RCOR1: variants seen among roughly 807,000 people sequenced by gnomAD.
RCOR1 encodes REST corepressor.
A neutral mutation model predicts 64.0 loss-of-function variants in RCOR1; 12 were observed. That is an observed-to-expected ratio of 0.19 (90% CI 0.12 to 0.30). RCOR1 has a LOEUF of 0.30. Among genes scored for constraint, RCOR1 ranks in the 10% least tolerant of loss-of-function variants. The pLI is 1.00. For missense variants in RCOR1, 502 were observed against 621.2 expected, an observed-to-expected ratio of 0.81 and a Z score of 2.04; for synonymous variants, 279 against 227.2, an observed-to-expected ratio of 1.23 and a Z score of -2.05.
intron 2 of RCOR1, among the ~76,000 whole-genome samples, chr14:102,606,956 C>T (rs1293484487): frequency 1.1e-3 from 116 of 106,610 alleles, no homozygotes; most frequent in African/African-American, 4.2e-3. Flanking sequence ...TTTTTTGAGA[C>T]GAAGTCTCAC....
intron 2 of RCOR1, among the ~76,000 whole-genome samples, chr14:102,607,349 CT>C (rs1231709894): frequency 6.6e-6 from 1 of 152,176 alleles, no homozygotes; most frequent in Non-Finnish European, 1.5e-5. Context: ...TCCCTATTGT[CT>C]CTTGCTTTCC....
chr14:102,602,862 T>C (rs1378775886), intron 2 of RCOR1, among the ~76,000 whole-genome samples: 1 of 151,948 alleles, frequency 6.6e-6, no homozygotes, highest in Non-Finnish European at 1.5e-5. Flanking sequence ...TGAGCCAGTA[T>C]GCCTGACTGA....
chr14:102,656,558 C>T (rs1320350179), intron 2 of RCOR1, among the ~76,000 whole-genome samples: 1 of 152,008 alleles, frequency 6.6e-6, no homozygotes, highest in Non-Finnish European at 1.5e-5. Context: ...ACCTCTGCCT[C>T]CTGGGTTCAA....
intron 7 of RCOR1, among the ~76,000 whole-genome samples, chr14:102,711,264 G>A (rs190914527): frequency 1.3e-5 from 2 of 152,378 alleles, no homozygotes; most frequent in Admixed American, 6.5e-5. Flanking sequence ...TAGAACAGCA[G>A]TCCTCACTGA....
chr14:102,695,814 G>C (rs1895635673), intron 3 of RCOR1, among the ~76,000 whole-genome samples: 1 of 151,598 alleles, frequency 6.6e-6, no homozygotes, highest in South Asian at 2.1e-4. Flanking sequence ...CTCCCAGAGT[G>C]CTGGGATTAT....
intron 2 of RCOR1, among the ~76,000 whole-genome samples, chr14:102,668,593 C>T (rs780041283): frequency 1.1e-4 from 16 of 152,138 alleles, no homozygotes; most frequent in Non-Finnish European, 2.2e-4. Context: ...CAGCTTTGTT[C>T]TTGCCTGCCT....
intron 3 of RCOR1, among the ~76,000 whole-genome samples, chr14:102,696,361 G>A (rs1483119130): frequency 2.0e-5 from 3 of 152,186 alleles, no homozygotes; most frequent in East Asian, 3.9e-4. Flanking sequence ...ATATTATGAG[G>A]AAGCCCATAA....
At chr14:102,702,001 A>G (rs1895766195) in intron 4 of RCOR1, among the ~76,000 whole-genome samples, 1 of 152,212 alleles carries the variant, frequency 6.6e-6, no homozygotes, top group South Asian at 2.1e-4. Context: ...GGAATGTACT[A>G]ATAAGAAATC....
At chr14:102,630,574 A>G (rs553453680) in intron 2 of RCOR1, among the ~76,000 whole-genome samples, 9 of 152,192 alleles carry the variant, frequency 5.9e-5, no homozygotes, top group African/African-American at 2.2e-4. Flanking sequence ...CACCTTACAC[A>G]TTTCTCAGCT....
chr14:102,597,516 A>T (rs1767734941), intron 2 of RCOR1, among the ~76,000 whole-genome samples: 1 of 148,760 alleles, frequency 6.7e-6, no homozygotes, highest in Non-Finnish European at 1.5e-5. Context: ...TTTAGTAGAG[A>T]TGAGGTTTCA....
intron 2 of RCOR1, 151 bp from the exon 3 acceptor site, chr14:102,681,744 C>G (rs1895307737): frequency 1.8e-6 from 1 of 554,658 alleles, no homozygotes; most frequent in Admixed American, 3.0e-5. Flanking sequence ...CTCGCCTCCC[C>G]CATCTCCATC....
intron 2 of RCOR1, among the ~76,000 whole-genome samples, chr14:102,653,967 CTTTCTTTCTTTCTTTCTTTT>C (rs1894657881): frequency 1.5e-4 from 6 of 40,950 alleles, no homozygotes; most frequent in South Asian, 5.7e-4. Context: ...TTCTTTCTTT[CTTTCTTTCTTTCTTTCTTTT>C]TTTTTTTTTT....
intron 2 of RCOR1, chr14:102,659,185 T>A: frequency 1.0e-6 from 1 of 984,644 alleles, no homozygotes; most frequent in Non-Finnish European, 1.2e-6. Context: ...TTAGATAAAA[T>A]CTCCATAAAT....
In RCOR1 at chr14:102,726,516, G is replaced by A. The variant is rs1235116854; in HGVS notation, c.*10G>A. On this transcript the variant is annotated 3_prime_UTR_variant, in exon 12 of 12. Transcript: ENST00000262241. The stretch of plus-strand genomic sequence containing the variant: ...TGCATCTGCCTCCTGAGAAACTGGT[G>A]GCTTTGAACACTTGGTGTGGACTAC... 1.2e-6 allele frequency: 2 copies of A among 1,604,678 alleles called. No homozygotes were observed. The highest frequency in any genetic ancestry group is 2.2e-5 in the South Asian group (2 of 90,418).
chr14:102,614,124 A>G (rs1383313692), intron 2 of RCOR1, among the ~76,000 whole-genome samples: 2 of 149,066 alleles, frequency 1.3e-5, no homozygotes, highest in African/African-American at 2.5e-5. Context: ...TGAGTTCCCA[A>G]CCTCAGGTGA....
chr14:102,624,258 C>T (rs1486867401), intron 2 of RCOR1, among the ~76,000 whole-genome samples: 3 of 151,866 alleles, frequency 2.0e-5, no homozygotes, highest in Non-Finnish European at 4.4e-5. Context: ...AATCCCAGCA[C>T]TGTGGGAGGC....
At chr14:102,656,498 G>A (rs1894726872) in intron 2 of RCOR1, among the ~76,000 whole-genome samples, 1 of 150,938 alleles carries the variant, frequency 6.6e-6, no homozygotes, top group African/African-American at 2.4e-5. Context: ...GTTTTGAGAT[G>A]GAGTCTCACT....
rs1896267753 is a variant in RCOR1, at chr14:102,726,528, T to A, written c.*22T>A. On this transcript the variant is annotated 3_prime_UTR_variant, in exon 12 of 12. Transcript: ENST00000262241. ...CTGAGAAACTGGTGGCTTTGAACAC[T>A]TGGTGTGGACTACTGTGTTATCCGG... 1 of 1,598,210 alleles carries A rather than the reference T, an allele frequency of 6.3e-7. No homozygotes were observed. The highest frequency in any genetic ancestry group is 8.5e-7 in the Non-Finnish European group (1 of 1,170,716).
intron 2 of RCOR1, among the ~76,000 whole-genome samples, chr14:102,665,311 C>CT (rs35214723): frequency 0.23 from 30,642 of 131,622 alleles, 3,769 homozygotes; most frequent in East Asian, 0.37. Flanking sequence ...GGCCTCAACA[C>CT]TTTTTTTTTT....
Sources: allele counts gnomAD v4.1 joint callset (sites outside exome capture counted in the v4.1 genomes callset), GRCh38; gene constraint gnomAD v4.1.1; transcripts MANE v1.5; gene names NCBI Gene and HGNC (gene_info 2026-07-23, HGNC 2026-07-21).